The following MROH1 variants were observed in gnomAD, a reference collection of about 807,000 sequenced individuals.
The protein encoded by MROH1 is maestro heat like repeat family member 1.
In MROH1, 117 loss-of-function variants were observed where a neutral mutation model predicts 116.5. That is an observed-to-expected ratio of 1.00 (90% CI 0.86 to 1.17). The LOEUF (loss-of-function observed/expected upper bound fraction) is 1.17. Ranked by LOEUF, MROH1 falls within the 50% of genes most tolerant of loss-of-function variation. The pLI is 0.00. For synonymous variants in MROH1, 921 were observed against 583.9 expected (o/e 1.58, Z -8.32); for missense variants, 1,873 against 1,338.5 (o/e 1.40, Z -6.23).
At chr8:144,192,268 T>G in intron 9 of MROH1, 41 bp from the exon 10 acceptor site, 1 of 1,523,532 alleles carries the variant, frequency 6.6e-7, no homozygotes, top group Non-Finnish European at 8.9e-7. Context: ...TTCGGGCGGC[T>G]GGAGGTAGGA....
chr8:144,168,055 C>T (rs144739411), intron 3 of MROH1, among the ~76,000 whole-genome samples: 125 of 152,288 alleles, frequency 8.2e-4, no homozygotes, highest in African/African-American at 3.0e-3. Flanking sequence ...CAGGCAGCTC[C>T]TCAGGGGCAG....
intron 29 of MROH1, among the ~76,000 whole-genome samples, chr8:144,245,517 G>A (rs968084275): frequency 7.9e-5 from 12 of 152,376 alleles, no homozygotes; most frequent in East Asian, 5.8e-4. Context: ...ACTGTTGAGC[G>A]CGGTGCTTGA....
chr8:144,180,809 A>C lies in MROH1; in HGVS notation c.562+286A>C, dbSNP rs1257818519. On this transcript the variant is annotated intron_variant, in intron 7 of 43. Transcript: ENST00000326134. The surrounding 1 kb of genome is among the most constrained non-coding windows in gnomAD (Gnocchi z 7.4). ...GGGGGGTAGGAAGAGACTTCCTCGAAGCCATGACTTTTTGTTTTCCTCCCC... is the reference window on the plus strand; with the variant it reads ...GGGGGGTAGGAAGAGACTTCCTCGACGCCATGACTTTTTGTTTTCCTCCCC... 2.6e-5 allele frequency among the ~76,000 whole-genome samples: 4 copies of C among 152,028 alleles called. No individual in the cohort carries two copies. The highest frequency in any genetic ancestry group is 5.9e-5 in the Non-Finnish European group (4 of 67,976).
intron 35 of MROH1, among the ~76,000 whole-genome samples, chr8:144,258,224 C>T (rs1387322226): frequency 1.3e-5 from 2 of 152,180 alleles, no homozygotes; most frequent in Non-Finnish European, 2.9e-5. Context: ...CCAAGGTGGC[C>T]CCCATTGCAC....
At chr8:144,257,344 G>A (rs944740432) in intron 35 of MROH1, among the ~76,000 whole-genome samples, 1 of 152,176 alleles carries the variant, frequency 6.6e-6, no homozygotes, top group Non-Finnish European at 1.5e-5. Context: ...CCTGCTGTTG[G>A]TCAGCACCAG....
At position 144,221,751 on chromosome 8, in the gene MROH1, G is replaced by A. The variant is rs1253198962; in HGVS notation, c.1215+1078G>A. Among the ~76,000 whole-genome samples the A allele has an allele frequency of 2.0e-5, 3 of 152,246 alleles. No homozygotes were observed. The East Asian group carries it at 5.8e-4, about 29-fold the overall frequency. On this transcript the variant is annotated intron_variant, in intron 13 of 43. Coordinates refer to ENST00000326134, the MANE Select transcript of MROH1 (RefSeq NM_032450.3). The stretch of plus-strand genomic sequence containing the variant: ...CCAGGTGGCTAAACGCACACAGTCT[G>A]GGCAGTCTGAGACCAACCGGCTCGC...
At chr8:144,248,084 G>A (rs1002045374) in intron 31 of MROH1, among the ~76,000 whole-genome samples, 1 of 152,174 alleles carries the variant, frequency 6.6e-6, no homozygotes, top group African/African-American at 2.4e-5. Flanking sequence ...AGAGCCACGT[G>A]GGGGGCTAGG....
At chr8:144,194,971 C>T (rs544089359) in intron 10 of MROH1, among the ~76,000 whole-genome samples, 1 of 151,694 alleles carries the variant, frequency 6.6e-6, no homozygotes, top group African/African-American at 2.4e-5. Flanking sequence ...AAGCCAAGAA[C>T]ATTTTTCTAC....
intron 1 of MROH1, among the ~76,000 whole-genome samples, chr8:144,153,432 G>C (rs970121820): frequency 1.3e-5 from 2 of 151,894 alleles, no homozygotes; most frequent in South Asian, 2.1e-4. Context: ...CCTGACCTCA[G>C]GTGATCCACC....
rs1825298959 is a variant in MROH1, at chr8:144,180,417, T to C, written c.464-8T>C. 6 of 1,612,948 alleles carry C rather than the reference T, an allele frequency of 3.7e-6. No homozygotes were observed. Among genetic ancestry groups the C allele is most frequent in the Non-Finnish European group, 5.1e-6 (6 of 1,179,740 alleles). On this transcript the variant is annotated splice_region_variant and splice_polypyrimidine_tract_variant and intron_variant, in intron 6 of 43. Coordinates refer to ENST00000326134, the MANE Select transcript of MROH1 (RefSeq NM_032450.3). This position sits in a 1 kb window ranked among gnomAD's most constrained non-coding sequence, Gnocchi z 7.4. ...GGCGGAGGCCTTTGACGGTGTCCTC[T>C]CTCACAGCGTTCGGCGTAGTCCCCT...
chr8:144,229,530 C>T (rs1056639872), intron 14 of MROH1, among the ~76,000 whole-genome samples: 21 of 151,962 alleles, frequency 1.4e-4, no homozygotes, highest in Non-Finnish European at 2.5e-4. Context: ...CAGGCACACA[C>T]CAACATGCCC....
chr8:144,241,641 C>T (rs1840997248), intron 22 of MROH1, 124 bp downstream of exon 22: 1 of 747,744 alleles, frequency 1.3e-6, no homozygotes, highest in African/African-American at 1.7e-5. Flanking sequence ...ATTTTTGCTC[C>T]TGCATTCCTT....
At chr8:144,217,812 TTG>T (rs1835597674) in intron 12 of MROH1, among the ~76,000 whole-genome samples, 1 of 152,188 alleles carries the variant, frequency 6.6e-6, no homozygotes, top group Non-Finnish European at 1.5e-5. Flanking sequence ...TTTGCTGCTA[TTG>T]TGTGAGTCCC....
intron 4 of MROH1, among the ~76,000 whole-genome samples, chr8:144,177,916 T>A (rs1824434539): frequency 6.6e-6 from 1 of 152,048 alleles, no homozygotes. Context: ...AACTTTGAGC[T>A]AATTAGACCT....
chr8:144,183,967 C>T (rs193289781), intron 7 of MROH1, among the ~76,000 whole-genome samples: 1 of 152,304 alleles, frequency 6.6e-6, no homozygotes, highest in East Asian at 1.9e-4. Context: ...TTTCTTTGCA[C>T]TGGGTCAGAG....
chr8:144,160,249 A>G (rs1029184248), intron 1 of MROH1, among the ~76,000 whole-genome samples: 10 of 152,164 alleles, frequency 6.6e-5, no homozygotes, highest in African/African-American at 2.4e-4. Flanking sequence ...AATGACATTT[A>G]GTCTAGGACT....
intron 10 of MROH1, among the ~76,000 whole-genome samples, chr8:144,197,415 ATCTTTTTTT>A (rs1830149471): frequency 2.0e-5 from 1 of 49,442 alleles, no homozygotes. Context: ...AAGCTGCAGC[ATCTTTTTTT>A]TTTTTTTTTT....
chr8:144,247,971 C>T (rs1842183956), intron 31 of MROH1, among the ~76,000 whole-genome samples: 1 of 152,266 alleles, frequency 6.6e-6, no homozygotes, highest in African/African-American at 2.4e-5. Flanking sequence ...CACAGCCGCC[C>T]TCTGTCTGCC....
intron 24 of MROH1, among the ~76,000 whole-genome samples, 153 bp from the exon 25 acceptor site, chr8:144,243,341 A>C (rs1841342816): frequency 6.6e-6 from 1 of 152,228 alleles, no homozygotes; most frequent in Non-Finnish European, 1.5e-5. Context: ...CGCTTCTTCC[A>C]CATGGACTTT....
Sources: allele counts gnomAD v4.1 joint callset (sites outside exome capture counted in the v4.1 genomes callset), GRCh38; gene constraint gnomAD v4.1.1; non-coding constraint Gnocchi (gnomAD v3.1); transcripts MANE v1.5; gene names NCBI Gene and HGNC (gene_info 2026-07-23, HGNC 2026-07-21).